The following LAMA3 variants were observed in gnomAD, a reference collection of about 807,000 sequenced individuals.
LAMA3 encodes laminin subunit alpha 3.
LAMA3 carries 281 observed loss-of-function variants against 402.0 expected under a neutral mutation model. The observed-to-expected ratio is 0.70, with a 90% CI of 0.63 to 0.77. LAMA3 has a LOEUF of 0.77. LAMA3 is among the 30% of genes least tolerant of loss of function. The pLI is 0.00. For missense variants in LAMA3, 3,840 were observed against 4,215.5 expected (o/e 0.91, Z 2.47); for synonymous variants, 1,431 against 1,558.4 (o/e 0.92, Z 1.93).
chr18:23,896,150 A>T (rs2080867020), intron 44 of LAMA3, among the ~76,000 whole-genome samples: 1 of 152,140 alleles, frequency 6.6e-6, no homozygotes, highest in Non-Finnish European at 1.5e-5. Flanking sequence ...AGCCTGGCCA[A>T]CATGGTGAAA....
intron 41 of LAMA3, among the ~76,000 whole-genome samples, chr18:23,888,383 A>G (rs958571924): frequency 3.9e-5 from 6 of 152,222 alleles, no homozygotes; most frequent in Admixed American, 3.9e-4. Context: ...TCTTTATTAC[A>G]TTATCTCATA....
chr18:23,861,915 T>C, intron 35 of LAMA3, 108 bp downstream of exon 35: 1 of 1,245,648 alleles, frequency 8.0e-7, no homozygotes, highest in Non-Finnish European at 1.1e-6. Flanking sequence ...TTCAGGTTAC[T>C]AACGTTCCAG....
intron 31 of LAMA3, among the ~76,000 whole-genome samples, chr18:23,847,236 TC>T (rs2144634767): frequency 6.6e-6 from 1 of 152,310 alleles, no homozygotes; most frequent in African/African-American, 2.4e-5. Flanking sequence ...CGAGGTGGGC[TC>T]CTTGGAGGGT....
chr18:23,944,790 A>G (rs1231043730), intron 69 of LAMA3, among the ~76,000 whole-genome samples: 1 of 152,200 alleles, frequency 6.6e-6, no homozygotes, highest in Non-Finnish European at 1.5e-5. Flanking sequence ...TTGAAGGCCA[A>G]GCTCCGACTT....
intron 60 of LAMA3, among the ~76,000 whole-genome samples, chr18:23,916,973 A>G (rs1243756102): frequency 6.9e-6 from 1 of 145,800 alleles, no homozygotes; most frequent in Non-Finnish European, 1.5e-5. Flanking sequence ...TTTATCACCC[A>G]GGTAATAAAT....
At chr18:23,784,215 G>A in intron 12 of LAMA3, 58 bp downstream of exon 12, 1 of 1,602,966 alleles carries the variant, frequency 6.2e-7, no homozygotes, top group Non-Finnish European at 8.5e-7. Flanking sequence ...ATTTCCTCCT[G>A]AGGAAATGCA....
intron 2 of LAMA3, among the ~76,000 whole-genome samples, chr18:23,715,334 A>G (rs2061078553): frequency 6.6e-6 from 1 of 152,000 alleles, no homozygotes; most frequent in African/African-American, 2.4e-5. Flanking sequence ...AAAAAAAAAA[A>G]GGAGGGAGAA....
chr18:23,851,114 C>A (rs1259026769), intron 32 of LAMA3, among the ~76,000 whole-genome samples: 1 of 152,234 alleles, frequency 6.6e-6, no homozygotes, highest in Non-Finnish European at 1.5e-5. Context: ...GGCATCAATT[C>A]CTGAGCCCTA....
At chr18:23,864,472 T>C (rs1379220673) in intron 35 of LAMA3, among the ~76,000 whole-genome samples, 1 of 152,186 alleles carries the variant, frequency 6.6e-6, no homozygotes, top group Non-Finnish European at 1.5e-5. Flanking sequence ...AAGTGATCCT[T>C]CTGCCTCGGC....
At position 23,781,613 on chromosome 18, in the gene LAMA3, G is replaced by A. The variant is rs553994342; in HGVS notation, c.1469-2410G>A. Among the ~76,000 whole-genome samples, 4 of 152,298 alleles carry A rather than the reference G, an allele frequency of 2.6e-5. No individual in the cohort carries two copies. In the East Asian group the frequency reaches 7.7e-4, roughly 29 times the overall value. On this transcript the variant is annotated intron_variant, in intron 11 of 74. Transcript: ENST00000313654. ...CAAGACAAAAGAGCTTGGGCTAGTGGCACTACATTGTGGGACCCTGGCTAG... is the reference window on the plus strand; with the variant it reads ...CAAGACAAAAGAGCTTGGGCTAGTGACACTACATTGTGGGACCCTGGCTAG...
chr18:23,827,592 A>G, intron 23 of LAMA3, 125 bp downstream of exon 23: 1 of 1,083,696 alleles, frequency 9.2e-7, no homozygotes, highest in South Asian at 1.5e-5. Context: ...AGAGGTGTTT[A>G]TCAACATTTG....
At chr18:23,812,907 A>G in intron 13 of LAMA3, 150 bp from the exon 14 acceptor site, 3 of 652,558 alleles carry the variant, frequency 4.6e-6, no homozygotes, top group South Asian at 3.5e-5. Context: ...ATGCCTGACT[A>G]TGAATTGCAT....
intron 2 of LAMA3, among the ~76,000 whole-genome samples, chr18:23,720,292 A>G (rs2061186578): frequency 6.6e-6 from 1 of 152,238 alleles, no homozygotes; most frequent in Non-Finnish European, 1.5e-5. Flanking sequence ...CTATAACAAA[A>G]TTAGAAAATA....
chr18:23,739,766 TTATC>T (rs2061532896), intron 2 of LAMA3, among the ~76,000 whole-genome samples: 1 of 152,202 alleles, frequency 6.6e-6, no homozygotes, highest in African/African-American at 2.4e-5. Context: ...TTAGGACAAA[TTATC>T]ATCACTGAGA....
chr18:23,930,099 T>G (rs550629583), intron 64 of LAMA3, among the ~76,000 whole-genome samples: 1 of 152,350 alleles, frequency 6.6e-6, no homozygotes, highest in South Asian at 2.1e-4. Context: ...AAACTTGTTT[T>G]AGACTGAAAT....
chr18:23,867,946 C>G, intron 37 of LAMA3, 29 bp downstream of exon 37: 1 of 1,557,478 alleles, frequency 6.4e-7, no homozygotes, highest in Non-Finnish European at 8.9e-7. Context: ...TAGGATGGTC[C>G]TTTCTGTTTT....
intron 12 of LAMA3, among the ~76,000 whole-genome samples, chr18:23,785,085 C>T (rs2062516632): frequency 6.6e-6 from 1 of 152,174 alleles, no homozygotes; most frequent in Non-Finnish European, 1.5e-5. Flanking sequence ...GGATGGGAAG[C>T]CCATGGTTGG....
In LAMA3 at chr18:23,819,831, A is replaced by AT; in HGVS notation, c.2148-8dup. 1.2e-6 allele frequency: 2 copies of AT among 1,613,512 alleles called. No individual in the cohort carries two copies. Among genetic ancestry groups the AT allele is most frequent in the Non-Finnish European group, 1.7e-6 (2 of 1,179,442 alleles). On this transcript the variant is annotated splice_polypyrimidine_tract_variant and intron_variant, in intron 18 of 74. Coordinates refer to ENST00000313654, the MANE Select transcript of LAMA3 (RefSeq NM_198129.4). ...ACCTCCTGTATGTGTTTACTTTTTA[A>AT]TTATGAAAGGCCTGAAAACAACTAC...
At chr18:23,729,884 C>T (rs1205620963) in intron 2 of LAMA3, among the ~76,000 whole-genome samples, 1 of 152,190 alleles carries the variant, frequency 6.6e-6, no homozygotes. Flanking sequence ...GTACGTGACG[C>T]TCCCGTCCTG....
Sources: gnomAD v4.1 joint callset for allele counts (sites outside exome capture counted in the v4.1 genomes callset) on GRCh38, gnomAD v4.1.1 for gene constraint, MANE v1.5 for transcripts, NCBI Gene and HGNC (gene_info 2026-07-23, HGNC 2026-07-21) for gene names.